Variants in RARB observed in about 807,000 individuals in gnomAD.
The protein encoded by RARB is HBV-activated protein.
Under a neutral mutation model 51.9 loss-of-function variants are expected in RARB, and 17 were observed. That is an observed-to-expected ratio of 0.33 (90% CI 0.22 to 0.49). The LOEUF is 0.49. RARB is among the 20% of genes least tolerant of loss of function. The probability of loss-of-function intolerance (pLI) is 0.99; values close to 1 mark genes in which losing one functional copy is unlikely to be tolerated. For missense variants in RARB, 369 were observed against 550.8 expected (o/e 0.67, Z 3.30); for synonymous variants, 215 against 195.4 (o/e 1.10, Z -0.84).
chr3:25,299,657 A>G (rs1300571332), intron 5 of RARB, among the ~76,000 whole-genome samples: 1 of 152,172 alleles, frequency 6.6e-6, no homozygotes, highest in Non-Finnish European at 1.5e-5. Flanking sequence ...AAGACCATAC[A>G]ATTGGTTTTC....
At chr3:25,225,214 T>A (rs1559512653) in intron 5 of RARB, among the ~76,000 whole-genome samples, 1 of 152,150 alleles carries the variant, frequency 6.6e-6, no homozygotes, top group Non-Finnish European at 1.5e-5. Context: ...AATAAAATAC[T>A]CTGATAGTAC....
intron 3 of RARB, among the ~76,000 whole-genome samples, chr3:25,095,975 G>A (rs1699286227): frequency 6.6e-6 from 1 of 152,120 alleles, no homozygotes; most frequent in Non-Finnish European, 1.5e-5. Context: ...GGGAAGTGAA[G>A]GGGCTGAATT....
At chr3:25,544,759 A>C (rs1575504454) in intron 3 of RARB, among the ~76,000 whole-genome samples, 1 of 152,206 alleles carries the variant, frequency 6.6e-6, no homozygotes, top group East Asian at 1.9e-4. Flanking sequence ...GAGCACTTTC[A>C]ACGGACTTTC....
At chr3:24,876,648 T>C (rs1331500001) in intron 2 of RARB, among the ~76,000 whole-genome samples, 3 of 152,132 alleles carry the variant, frequency 2.0e-5, no homozygotes, top group African/African-American at 7.2e-5. Context: ...TCAAGTAGTA[T>C]AAACCAGTCT....
Position 25,106,451 on chromosome 3 carries a change from G to GGTTTTTTTTTTTTTTTT in RARB, c.-327-25710_-327-25709insGTTTTTTTTTTTTTTTT, listed in dbSNP as rs1575163102. 6.1e-4 allele frequency among the ~76,000 whole-genome samples: 43 copies of GGTTTTTTTTTTTTTTTT among 70,512 alleles called. 2 individuals are homozygous for GGTTTTTTTTTTTTTTTT. The highest frequency in any genetic ancestry group is 2.2e-3 in the African/African-American group (36 of 16,142). 46.3% of individuals were successfully genotyped at this position (70,512 alleles called of 152,430 possible). The stretch of plus-strand genomic sequence containing the variant: ...CCACCATGCCCAGCTACTGTTTTTT[G>GGTTTTTTTTTTTTTTTT]TTTTTTGTTTTTTTTTGTTTTGTTT... On this transcript the variant is annotated intron_variant, in intron 3 of 11. Coordinates refer to the RARB transcript ENST00000383772.
intron 2 of RARB, among the ~76,000 whole-genome samples, chr3:25,467,612 C>T (rs564260711): frequency 2.1e-4 from 31 of 148,402 alleles, no homozygotes; most frequent in African/African-American, 6.4e-4. Context: ...AAACAAATTG[C>T]GTGACTAAGC....
intron 5 of RARB, among the ~76,000 whole-genome samples, chr3:25,176,755 T>C (rs376997940): frequency 1.3e-5 from 2 of 152,138 alleles, no homozygotes; most frequent in Non-Finnish European, 2.9e-5. Flanking sequence ...GGTTGAGATA[T>C]ATCATATCTA....
chr3:24,869,783 C>T (rs904409531), intron 2 of RARB, among the ~76,000 whole-genome samples: 1 of 152,070 alleles, frequency 6.6e-6, no homozygotes, highest in Non-Finnish European at 1.5e-5. Flanking sequence ...CTCTTCCTAA[C>T]AGAACTTTAG....
intron 2 of RARB, among the ~76,000 whole-genome samples, chr3:25,493,435 C>T (rs1012841138): frequency 6.6e-6 from 1 of 152,182 alleles, no homozygotes; most frequent in Admixed American, 6.5e-5. Flanking sequence ...TCACCTCCTA[C>T]TGGCAGCATT....
At chr3:25,292,031 G>A (rs1026444686) in intron 5 of RARB, among the ~76,000 whole-genome samples, 2 of 150,126 alleles carry the variant, frequency 1.3e-5, no homozygotes, top group Non-Finnish European at 3.0e-5. Context: ...GAAGGGGGTA[G>A]TGAGTCTTCC....
intron 2 of RARB, among the ~76,000 whole-genome samples, chr3:24,887,352 C>T (rs1462767843): frequency 3.3e-5 from 5 of 152,082 alleles, no homozygotes; most frequent in Non-Finnish European, 5.9e-5. Context: ...TGGCTGAGGC[C>T]GATTTATTAC....
chr3:25,331,256 A>G (rs528439453), intron 5 of RARB, among the ~76,000 whole-genome samples: 1 of 152,340 alleles, frequency 6.6e-6, no homozygotes, highest in South Asian at 2.1e-4. Flanking sequence ...TTATTCCAAA[A>G]TTGACCACAT....
At chr3:25,100,938 A>T (rs976419012) in intron 3 of RARB, among the ~76,000 whole-genome samples, 1 of 152,194 alleles carries the variant, frequency 6.6e-6, no homozygotes, top group African/African-American at 2.4e-5. Flanking sequence ...TTAGCCCTAC[A>T]CTCGGAGCTG....
intron 5 of RARB, among the ~76,000 whole-genome samples, chr3:25,408,187 T>A (rs1200870913): frequency 6.6e-6 from 1 of 152,166 alleles, no homozygotes; most frequent in African/African-American, 2.4e-5. Flanking sequence ...CATTTCTTGA[T>A]TCCTCAGTAA....
At chr3:25,438,777 G>A (rs1325266586) in intron 1 of RARB, among the ~76,000 whole-genome samples, 1 of 152,142 alleles carries the variant, frequency 6.6e-6, no homozygotes, top group Non-Finnish European at 1.5e-5. Flanking sequence ...ATAATCCCAA[G>A]AATAAAACAC....
chr3:25,309,645 G>A (rs1484591269), intron 5 of RARB, among the ~76,000 whole-genome samples: 6 of 150,822 alleles, frequency 4.0e-5, no homozygotes, highest in Admixed American at 6.6e-5. Context: ...TTACAGGTGC[G>A]CACCACCACA....
chr3:25,141,233 G>C (rs1471629053), intron 4 of RARB, among the ~76,000 whole-genome samples: 2 of 151,964 alleles, frequency 1.3e-5, no homozygotes. Context: ...GTTCTTAAAA[G>C]ATATTTGCCT....
At chr3:25,106,450 T>TTTTAG (rs1491231864) in intron 3 of RARB, among the ~76,000 whole-genome samples, 1 of 87,824 alleles carries the variant, frequency 1.1e-5, no homozygotes, top group Non-Finnish European at 2.2e-5. Context: ...TACTGTTTTT[T>TTTTAG]GTTTTTTGTT....
At chr3:25,245,171 A>G (rs1382744029) in intron 5 of RARB, among the ~76,000 whole-genome samples, 1 of 151,894 alleles carries the variant, frequency 6.6e-6, no homozygotes, top group Non-Finnish European at 1.5e-5. Context: ...ATCTTCCTCC[A>G]TCCCTTTATT....
Sources: allele counts gnomAD v4.1 joint callset (sites outside exome capture counted in the v4.1 genomes callset), GRCh38; gene constraint gnomAD v4.1.1; transcripts MANE v1.5; gene names NCBI Gene and HGNC (gene_info 2026-07-23, HGNC 2026-07-21).